PCDHGC5: variants seen among roughly 807,000 people sequenced by gnomAD.
The protein encoded by PCDHGC5 is protocadherin gamma-C5.
In PCDHGC5, 25 loss-of-function variants were observed where a neutral mutation model predicts 59.0. The observed-to-expected ratio is 0.42, with a 90% CI of 0.31 to 0.59. The LOEUF (loss-of-function observed/expected upper bound fraction) is 0.59. Among genes scored for constraint, PCDHGC5 ranks in the 20% least tolerant of loss-of-function variants. The probability of loss-of-function intolerance (pLI) is 0.13; values close to 1 mark genes in which losing one functional copy is unlikely to be tolerated. For synonymous variants in PCDHGC5, 434 were observed against 505.5 expected, an observed-to-expected ratio of 0.86 and a Z score of 1.90; for missense variants, 1,067 against 1,206.4, an observed-to-expected ratio of 0.88 and a Z score of 1.71.
rs566049956 is a variant in PCDHGC5 at position 141,511,685 on chromosome 5, G to A, written c.*512G>A. 1.0e-5 allele frequency: 2 copies of A among 198,374 alleles called. No individual in the cohort carries two copies. Among genetic ancestry groups the A allele is most frequent in the Non-Finnish European group, 2.1e-5 (2 of 94,428 alleles). The allele number at this position is 198,374 out of a possible 1,614,324, so 12.3% of individuals were successfully genotyped here. On this transcript the variant is annotated 3_prime_UTR_variant, in exon 4 of 4. Coordinates refer to ENST00000252087, the MANE Select transcript of PCDHGC5 (RefSeq NM_018929.3). ...GATTCTCAATCTTCCCCCAAAGCAT[G>A]GTTTGGTGCCAGCCCCTTCACCTCC...
At position 141,493,396 on chromosome 5, in the gene PCDHGC5, G is replaced by A. The variant is rs562217310; in HGVS notation, c.2461-1411G>A. 1.3e-5 allele frequency among the ~76,000 whole-genome samples: 2 copies of A among 152,274 alleles called. No homozygotes were observed. Among genetic ancestry groups the A allele is most frequent in the East Asian group, 3.9e-4 (2 of 5,178 alleles). The stretch of plus-strand genomic sequence containing the variant: ...TTTAAAAGCTTGAGGACAGGAGAGG[G>A]GAGTTGCCTCTGCTGGGATTTTGCT... On this transcript the variant is annotated intron_variant, in intron 1 of 3. Transcript: ENST00000252087. This position sits in a 1 kb window ranked among gnomAD's most constrained non-coding sequence, Gnocchi z 4.3.
At chr5:141,507,380 C>G (rs984406173) in intron 3 of PCDHGC5, 1 of 151,954 alleles carries the variant, frequency 6.6e-6, no homozygotes, top group African/African-American at 2.4e-5. Flanking sequence ...CTTTTATTTA[C>G]TAAATCTGGC....
intron 3 of PCDHGC5, among the ~76,000 whole-genome samples, chr5:141,509,139 A>G (rs1042555376): frequency 2.6e-5 from 4 of 152,140 alleles, no homozygotes; most frequent in African/African-American, 9.7e-5. Flanking sequence ...ACCGAGGCGC[A>G]TCCCGGCTCT....
chr5:141,491,641 C>T lies in PCDHGC5; in HGVS notation c.2401C>T (p.Leu801=). The part of the protein sequence containing the change: ...RPLSVQQPTA[L]ALEPDAIRSR... Reference sequence around the variant, plus strand: ...CCTCAGCGTTCAGCAGCCCACAGCTCTGGCGCTGGAGCCTGACGCCATCCG... The same window carrying T: ...CCTCAGCGTTCAGCAGCCCACAGCTTTGGCGCTGGAGCCTGACGCCATCCG... The change falls in exon 1 of 4, where the codon CTG becomes TTG. Residue 801 remains leucine, a synonymous_variant. Coordinates refer to ENST00000252087, the MANE Select transcript of PCDHGC5 (RefSeq NM_018929.3). The surrounding 1 kb of genome is among the most constrained non-coding windows in gnomAD (Gnocchi z 6.9). The T allele has an allele frequency of 6.2e-7, 1 of 1,613,896 alleles. No homozygotes were observed. Among genetic ancestry groups the T allele is most frequent in the Non-Finnish European group, 8.5e-7 (1 of 1,180,018 alleles).
In PCDHGC5 at chr5:141,489,353, A is replaced by G. The variant is rs1423278514; in HGVS notation, c.113A>G (p.Glu38Gly). 3.7e-6 allele frequency: 6 copies of G among 1,612,316 alleles called. No homozygotes were observed. In the African/African-American group the frequency reaches 6.7e-5, roughly 18 times the overall value. ...CAGCTTCGTTACTCAGTGGTGGAGG[A>G]GTCTGAGCCGGGGACGCTGGTGGGG... ...SGQLRYSVVE[E>G]SEPGTLVGNV... Residue 38 changes from glutamate to glycine, a missense_variant, in exon 1 of 4, where the codon GAG (glutamate) becomes GGG (glycine). By Grantham distance (98) the Glu-to-Gly change is moderately conservative. Transcript: ENST00000252087. This position sits in a 1 kb window ranked among gnomAD's most constrained non-coding sequence, Gnocchi z 4.5.
At chr5:141,497,776 C>A (rs1384125562) in intron 2 of PCDHGC5, among the ~76,000 whole-genome samples, 2 of 152,170 alleles carry the variant, frequency 1.3e-5, no homozygotes. Flanking sequence ...CCGACCTCAA[C>A]TGATCCACCT....
chr5:141,500,554 C>A (rs2099801320), intron 2 of PCDHGC5, among the ~76,000 whole-genome samples: 1 of 152,212 alleles, frequency 6.6e-6, no homozygotes, highest in Admixed American at 6.5e-5. Context: ...AAGTTGTTCA[C>A]AAACTTGTCA....
Position 141,489,400 on chromosome 5 carries a change from T to A in PCDHGC5, c.160T>A (p.Leu54Ile). 6.2e-7 allele frequency: 1 copy of A among 1,614,134 alleles called. No individual in the cohort carries two copies. Among genetic ancestry groups the A allele is most frequent in the Non-Finnish European group, 8.5e-7 (1 of 1,180,020 alleles). Residue 54 changes from leucine to isoleucine, a missense_variant, in exon 1 of 4, where the codon TTA becomes ATA. By Grantham distance (5) the Leu-to-Ile change is conservative. Transcript: ENST00000252087. This position sits in a 1 kb window ranked among gnomAD's most constrained non-coding sequence, Gnocchi z 4.5. The part of the protein sequence containing the change: ...LVGNVAQDLG[L>I]KMTDLLSRRL... ...GGGGAATGTTGCTCAGGATCTGGGC[T>A]TAAAGATGACAGATCTGTTGAGCCG...
chr5:141,490,062 C>A lies in PCDHGC5; in HGVS notation c.822C>A (p.Asn274Lys), dbSNP rs758715682. 6.2e-7 allele frequency: 1 copy of A among 1,614,218 alleles called. No homozygotes were observed. The highest frequency in any genetic ancestry group is 1.1e-5 in the South Asian group (1 of 91,082). ...CCACTGATCCAGACGAGGGCACCAA[C>A]GGCCAACTAGACTATTCTTTTGGAG... ...LNATDPDEGT[N>K]GQLDYSFGDH... Residue 274 changes from asparagine (N) to lysine (K), a missense_variant, in exon 1 of 4, where the codon AAC becomes AAA. Asn to Lys is a moderately conservative substitution (Grantham distance 94). Coordinates refer to ENST00000252087, the MANE Select transcript of PCDHGC5 (RefSeq NM_018929.3). The surrounding 1 kb of genome is among the most constrained non-coding windows in gnomAD (Gnocchi z 5.4).
chr5:141,497,412 A>G (rs963440048), intron 2 of PCDHGC5, among the ~76,000 whole-genome samples: 13 of 151,982 alleles, frequency 8.6e-5, no homozygotes, highest in African/African-American at 3.1e-4. Flanking sequence ...CTCCCATTCC[A>G]TCAAATGAGA....
chr5:141,511,138 A>C lies in PCDHGC5; in HGVS notation c.2800A>C (p.Asn934His). 6.2e-7 allele frequency: 1 copy of C among 1,614,210 alleles called. No homozygotes were observed. ...DGKAPAGGNGNKKKSGKKEKK is the reference protein window; with the variant it reads ...DGKAPAGGNGHKKKSGKKEKK ...CAAGGCCCCAGCAGGTGGCAATGGCAACAAGAAGAAGTCGGGCAAGAAGGA... is the reference window on the plus strand; with the variant it reads ...CAAGGCCCCAGCAGGTGGCAATGGCCACAAGAAGAAGTCGGGCAAGAAGGA... Residue 934 changes from asparagine to histidine, a missense_variant, in exon 4 of 4, where the codon AAC becomes CAC. Transcript: ENST00000252087.
At position 141,491,390 on chromosome 5, in the gene PCDHGC5, T is replaced by C; in HGVS notation, c.2150T>C (p.Leu717Pro). 6.2e-7 allele frequency: 1 copy of C among 1,614,130 alleles called. No homozygotes were observed. Among genetic ancestry groups the C allele is most frequent in the Non-Finnish European group, 8.5e-7 (1 of 1,179,988 alleles). ...VTFTFLSAKCLQGNADGDGGG... is the reference protein window; with the variant it reads ...VTFTFLSAKCPQGNADGDGGG... ...TTCACCTTTCTGTCAGCGAAGTGCC[T>C]TCAGGGAAACGCAGACGGGGACGGG... Residue 717 changes from leucine to proline, a missense_variant, in exon 1 of 4, where the codon CTT (leucine) becomes CCT (proline). Coordinates refer to ENST00000252087, the MANE Select transcript of PCDHGC5 (RefSeq NM_018929.3). This position sits in a 1 kb window ranked among gnomAD's most constrained non-coding sequence, Gnocchi z 6.9.
chr5:141,502,470 G>A (rs1017558920), intron 2 of PCDHGC5, among the ~76,000 whole-genome samples: 5 of 150,916 alleles, frequency 3.3e-5, no homozygotes, highest in Admixed American at 2.6e-4. Flanking sequence ...AATACTTCCC[G>A]CAGCATCACA....
rs1223431294 is a variant in PCDHGC5, at chr5:141,490,280, C to T, written c.1040C>T (p.Ala347Val). ...QVDVGDVNDN[A>V]PEVLLASLAN... ...GATGTGGGGGATGTCAATGACAATG[C>T]CCCAGAGGTGCTATTGGCCTCTTTG... Residue 347 changes from alanine (A) to valine (V), a missense_variant, in exon 1 of 4, where the codon GCC (alanine) becomes GTC (valine). Physicochemically the swap from Ala to Val is moderately conservative, Grantham distance 64. Transcript: ENST00000252087. The surrounding 1 kb of genome is among the most constrained non-coding windows in gnomAD (Gnocchi z 5.4). The T allele has an allele frequency of 5.6e-6, 9 of 1,614,216 alleles. No individual in the cohort carries two copies. In the East Asian group the frequency reaches 1.8e-4, roughly 32 times the overall value.
At position 141,489,562 on chromosome 5, in the gene PCDHGC5, G is replaced by A. The variant is rs770734883; in HGVS notation, c.322G>A (p.Val108Met). ...ASTSCLLPVQ[V>M]VTEHPLELIR... ...CACCAGCTGCCTGCTGCCAGTGCAG[G>A]TGGTGACTGAACACCCCCTGGAGCT... Residue 108 changes from valine (V) to methionine (M), a missense_variant, in exon 1 of 4, where the codon GTG becomes ATG. By Grantham distance (21) the Val-to-Met change is conservative. Coordinates refer to ENST00000252087, the MANE Select transcript of PCDHGC5 (RefSeq NM_018929.3). The surrounding 1 kb of genome is among the most constrained non-coding windows in gnomAD (Gnocchi z 4.5). 2 of 1,614,114 alleles carry A rather than the reference G, an allele frequency of 1.2e-6. No homozygotes were observed. Among genetic ancestry groups the A allele is most frequent in the Non-Finnish European group, 1.7e-6 (2 of 1,180,028 alleles).
chr5:141,494,778 CA>C (rs1228639033), intron 1 of PCDHGC5, 28 bp from the exon 2 acceptor site: 1 of 1,614,086 alleles, frequency 6.2e-7, no homozygotes, highest in Admixed American at 1.7e-5. Flanking sequence ...CACGGGTACT[CA>C]GCCCCTTTCC....
intron 3 of PCDHGC5, among the ~76,000 whole-genome samples, chr5:141,509,440 C>T (rs1036780108): frequency 2.0e-5 from 3 of 152,158 alleles, no homozygotes; most frequent in Non-Finnish European, 4.4e-5. Flanking sequence ...CTTGTTTCCT[C>T]CTCTCCCACC....
At position 141,490,735 on chromosome 5, in the gene PCDHGC5, C is replaced by T; in HGVS notation, c.1495C>T (p.Gln499Ter). The T allele has an allele frequency of 2.5e-6, 4 of 1,614,194 alleles. No individual in the cohort carries two copies. Among genetic ancestry groups the T allele is most frequent in the Non-Finnish European group, 2.5e-6 (3 of 1,180,018 alleles). ...CTACTCCATTGTAGGAAATCAGGTTCAGGGAGCCCCAGCCTCCTCCTTTGT... is the reference window on the plus strand; with the variant it reads ...CTACTCCATTGTAGGAAATCAGGTTTAGGGAGCCCCAGCCTCCTCCTTTGT... The part of the protein sequence containing the change: ...LTYSIVGNQV[Q>*]GAPASSFVYV... Residue 499 changes from glutamine to a stop codon, truncating the protein, a stop_gained, in exon 1 of 4, where the codon CAG becomes TAG. Transcript: ENST00000252087. LOFTEE classifies it high-confidence loss of function. This position sits in a 1 kb window ranked among gnomAD's most constrained non-coding sequence, Gnocchi z 5.4.
intron 3 of PCDHGC5, 122 bp downstream of exon 3, chr5:141,505,603 G>A (rs900982128): frequency 6.5e-7 from 1 of 1,534,594 alleles, no homozygotes; most frequent in African/African-American, 1.4e-5. Flanking sequence ...TCTTTCGGCA[G>A]GTCTGAAAGG....
Sources: allele counts gnomAD v4.1 joint callset (sites outside exome capture counted in the v4.1 genomes callset), GRCh38; gene constraint gnomAD v4.1.1; non-coding constraint Gnocchi (gnomAD v3.1); transcripts MANE v1.5; gene names NCBI Gene and HGNC (gene_info 2026-07-23, HGNC 2026-07-21).